The following KIAA1217 variants were observed in gnomAD, a reference collection of about 807,000 sequenced individuals.
KIAA1217 encodes the protein KIAA1217.
A neutral mutation model predicts 163.9 loss-of-function variants in KIAA1217; 88 were observed. The observed-to-expected ratio is 0.54, with a 90% confidence interval of 0.45 to 0.64. The LOEUF is 0.64. Among genes scored for constraint, KIAA1217 ranks in the 30% least tolerant of loss-of-function variants. KIAA1217 has a pLI of 0.00. For missense variants in KIAA1217, 2,372 were observed against 2,475.0 expected, an observed-to-expected ratio of 0.96 and a Z score of 0.88; for synonymous variants, 903 against 923.1, an observed-to-expected ratio of 0.98 and a Z score of 0.39.
chr10:24,148,651 T>A (rs943785267), intron 2 of KIAA1217, among the ~76,000 whole-genome samples: 2 of 152,154 alleles, frequency 1.3e-5, no homozygotes, highest in Non-Finnish European at 2.9e-5. Context: ...CCCTGTGCCT[T>A]CCGCCTTGAT....
chr10:24,086,027 C>T (rs575504962), intron 2 of KIAA1217, among the ~76,000 whole-genome samples: 1 of 152,108 alleles, frequency 6.6e-6, no homozygotes, highest in South Asian at 2.1e-4. Flanking sequence ...GACTGCTCCT[C>T]CCTGCCCCAC....
At chr10:23,739,614 T>C (rs1319504765) in intron 1 of KIAA1217, among the ~76,000 whole-genome samples, 1 of 152,158 alleles carries the variant, frequency 6.6e-6, no homozygotes, top group East Asian at 1.9e-4. Context: ...GGCTTTTGCT[T>C]TTTTGTACAT....
At chr10:24,232,490 G>C (rs2071550020) in intron 2 of KIAA1217, among the ~76,000 whole-genome samples, 2 of 152,072 alleles carry the variant, frequency 1.3e-5, no homozygotes, top group Admixed American at 1.3e-4. Flanking sequence ...AGTGCCCGGG[G>C]GTAGGTGGGG....
intron 1 of KIAA1217, among the ~76,000 whole-genome samples, chr10:23,732,336 C>G (rs1418223740): frequency 6.6e-6 from 1 of 151,604 alleles, no homozygotes; most frequent in East Asian, 1.9e-4. Context: ...AACCATTGAT[C>G]AAAAATGTTC....
chr10:24,420,280 A>G (rs1422476922), intron 3 of KIAA1217, among the ~76,000 whole-genome samples: 1 of 152,120 alleles, frequency 6.6e-6, no homozygotes, highest in Non-Finnish European at 1.5e-5. Flanking sequence ...TTTCATTTTT[A>G]TGTCCATAAT....
intron 1 of KIAA1217, among the ~76,000 whole-genome samples, chr10:23,915,334 G>A (rs1478431519): frequency 1.3e-5 from 2 of 152,084 alleles, no homozygotes; most frequent in African/African-American, 2.4e-5. Context: ...GAAAACAAGA[G>A]TTTACCAGTG....
At chr10:24,492,203 C>G (rs1358633674) in intron 6 of KIAA1217, among the ~76,000 whole-genome samples, 2 of 152,202 alleles carry the variant, frequency 1.3e-5, no homozygotes, top group Non-Finnish European at 2.9e-5. Flanking sequence ...TGACCAACCA[C>G]CACTCCCATT....
chr10:23,859,847 C>G (rs1454684453), intron 1 of KIAA1217, among the ~76,000 whole-genome samples: 1 of 151,620 alleles, frequency 6.6e-6, no homozygotes, highest in Non-Finnish European at 1.5e-5. Flanking sequence ...TGCTGTGATC[C>G]CTCTTTTTTT....
chr10:24,021,544 G>A (rs1273399051), intron 2 of KIAA1217, among the ~76,000 whole-genome samples: 1 of 151,940 alleles, frequency 6.6e-6, no homozygotes, highest in Non-Finnish European at 1.5e-5. Context: ...CAGATTCAGT[G>A]TAATACCAAT....
chr10:24,293,445 C>G (rs193252103), intron 2 of KIAA1217, among the ~76,000 whole-genome samples: 1 of 152,208 alleles, frequency 6.6e-6, no homozygotes, highest in African/African-American at 2.4e-5. Flanking sequence ...TGCCCCGCCC[C>G]GGCCCTTCCA....
At chr10:23,775,972 A>G (rs1834992767) in intron 1 of KIAA1217, among the ~76,000 whole-genome samples, 1 of 152,250 alleles carries the variant, frequency 6.6e-6, no homozygotes, top group African/African-American at 2.4e-5. Flanking sequence ...CCATAAACGT[A>G]TCAGATAATG....
At chr10:23,864,215 G>A (rs1840080807) in intron 1 of KIAA1217, among the ~76,000 whole-genome samples, 1 of 151,734 alleles carries the variant, frequency 6.6e-6, no homozygotes, top group South Asian at 2.1e-4. Context: ...GAAAGCCCAG[G>A]CTTTTACACT....
intron 1 of KIAA1217, among the ~76,000 whole-genome samples, chr10:23,765,307 G>T (rs1834457235): frequency 1.4e-5 from 2 of 145,856 alleles, no homozygotes. Context: ...TCCTGCCTCA[G>T]CCTCCCGAGT....
intron 2 of KIAA1217, chr10:24,368,745 T>G (rs1315156631): frequency 1.9e-6 from 1 of 518,700 alleles, no homozygotes; most frequent in African/African-American, 2.2e-5. Flanking sequence ...TGTACCCTTC[T>G]CCTCTCACAT....
chr10:24,238,881 ACAGCT>A (rs2072663821), intron 2 of KIAA1217, among the ~76,000 whole-genome samples: 1 of 152,170 alleles, frequency 6.6e-6, no homozygotes, highest in East Asian at 1.9e-4. Flanking sequence ...TTTTTGCAAA[ACAGCT>A]CAGGCTTTGA....
At chr10:23,955,544 G>A (rs958195286) in intron 1 of KIAA1217, among the ~76,000 whole-genome samples, 4 of 152,128 alleles carry the variant, frequency 2.6e-5, no homozygotes, top group African/African-American at 9.7e-5. Context: ...TTCTCCCAGT[G>A]TAAAGGAAAT....
intron 4 of KIAA1217, among the ~76,000 whole-genome samples, chr10:24,437,434 C>T (rs1240091284): frequency 6.6e-6 from 1 of 152,214 alleles, no homozygotes; most frequent in African/African-American, 2.4e-5. Context: ...AGCCAGTAAT[C>T]CCAGTGATTG....
At chr10:24,474,173 ATG>A in intron 6 of KIAA1217, 113 bp downstream of exon 6, 1 of 760,910 alleles carries the variant, frequency 1.3e-6, no homozygotes, top group Non-Finnish European at 2.1e-6. Flanking sequence ...TCTCTGCAGC[ATG>A]TCCTGTGGAT....
At chr10:23,993,563 T>TTTTTTTTTC (rs1846323815) in intron 1 of KIAA1217, among the ~76,000 whole-genome samples, 1 of 126,424 alleles carries the variant, frequency 7.9e-6, no homozygotes, top group African/African-American at 3.3e-5. Flanking sequence ...CTTTTTTTTT[T>TTTTTTTTTC]TTTTTTTTTT....
Sources: gnomAD v4.1 joint callset for allele counts (sites outside exome capture counted in the v4.1 genomes callset) on GRCh38, gnomAD v4.1.1 for gene constraint, MANE v1.5 for transcripts, NCBI Gene and HGNC (gene_info 2026-07-23, HGNC 2026-07-21) for gene names.